EXTL2: variants seen among roughly 807,000 people sequenced by gnomAD.
EXTL2 encodes exostosin-like 2.
In EXTL2, 23 loss-of-function variants were observed where a neutral mutation model predicts 30.7. The ratio of observed to expected loss-of-function variants is 0.75; its 90% CI spans 0.54 to 1.06. EXTL2 has a LOEUF of 1.06. EXTL2 is among the 50% of genes least tolerant of loss of function. EXTL2 has a pLI of 0.00. For synonymous variants in EXTL2, 123 were observed against 133.8 expected, an observed-to-expected ratio of 0.92 and a Z score of 0.56; for missense variants, 352 against 396.3, an observed-to-expected ratio of 0.89 and a Z score of 0.95.
At chr1:100,888,709 A>C in intron 2 of EXTL2, 44 bp downstream of exon 2, 1 of 1,147,428 alleles carries the variant, frequency 8.7e-7, no homozygotes, top group Non-Finnish European at 1.3e-6. Context: ...TGTTATACGT[A>C]TTTTACAACA....
intron 2 of EXTL2, 80 bp downstream of exon 2, chr1:100,888,673 A>C (rs755735504): frequency 1.4e-5 from 10 of 732,192 alleles, no homozygotes; most frequent in Non-Finnish European, 1.8e-5. Flanking sequence ...CTATATACTT[A>C]AAACCCGTTA....
chr1:100,876,243 G>C (rs994632690), intron 4 of EXTL2, among the ~76,000 whole-genome samples: 1 of 151,894 alleles, frequency 6.6e-6, no homozygotes, highest in Admixed American at 6.6e-5. Context: ...GGCTTTTATA[G>C]GATACTGACC....
rs1650305770 is a variant in EXTL2, at chr1:100,890,153, G to C, written c.-71-1325C>G. Among the ~76,000 whole-genome samples, 3 of 152,298 alleles carry C rather than the reference G, an allele frequency of 2.0e-5. No homozygotes were observed. In the South Asian group the frequency reaches 6.2e-4, roughly 32 times the overall value. ...CAGAGGTTCCTAAACCTTAATTCTT[G>C]ACTTCTGTGCACCCATAGGCTCAAC... On this transcript the variant is annotated intron_variant, in intron 1 of 4. Transcript: ENST00000370114.
At chr1:100,876,612 A>G (rs1649138175) in intron 4 of EXTL2, among the ~76,000 whole-genome samples, 182 bp downstream of exon 4, 1 of 152,098 alleles carries the variant, frequency 6.6e-6, no homozygotes. Flanking sequence ...AAGATACTAT[A>G]ACTTTCAGGA....
chr1:100,884,353 C>T (rs7549376), intron 2 of EXTL2, among the ~76,000 whole-genome samples: 101 of 152,250 alleles, frequency 6.6e-4, no homozygotes, highest in Middle Eastern at 3.4e-3. Context: ...AATGTAGATG[C>T]TCAGAAAAGG....
intron 1 of EXTL2, among the ~76,000 whole-genome samples, chr1:100,889,116 T>C (rs1322430364): frequency 1.3e-5 from 2 of 152,308 alleles, no homozygotes; most frequent in Non-Finnish European, 2.9e-5. Context: ...CTGGGTAATT[T>C]ATAAAGGAAA....
chr1:100,890,808 T>A (rs1178443048), intron 1 of EXTL2, among the ~76,000 whole-genome samples: 5 of 152,250 alleles, frequency 3.3e-5, no homozygotes, highest in Non-Finnish European at 2.9e-5. Flanking sequence ...CTTTCCTACA[T>A]CTTCCTGTCT....
At chr1:100,885,384 A>G (rs1649880431) in intron 2 of EXTL2, among the ~76,000 whole-genome samples, 1 of 152,234 alleles carries the variant, frequency 6.6e-6, no homozygotes, top group Non-Finnish European at 1.5e-5. Flanking sequence ...GCAGGTCATG[A>G]TAACCGGAAG....
At chr1:100,875,099 AAAC>A (rs1015611347) in intron 4 of EXTL2, among the ~76,000 whole-genome samples, 5 of 152,038 alleles carry the variant, frequency 3.3e-5, no homozygotes, top group African/African-American at 1.2e-4. Context: ...ACTAAAAATA[AAAC>A]AACAATCAGC....
At position 100,874,364 on chromosome 1, in the gene EXTL2, T is replaced by C; in HGVS notation, c.571A>G (p.Ser191Gly). The change falls in exon 5 of 5, where the codon AGT (serine) becomes GGT (glycine). Residue 191 changes from serine to glycine, a missense_variant. Transcript: ENST00000370114. ...KHVSTSSGIY[S>G]YGSFEMQAPG... ...GCTTGCATTTCAAAACTTCCATAAC[T>C]GTAGATACCTGATGAAGTAGAGACG... 6.2e-7 allele frequency: 1 copy of C among 1,612,414 alleles called. No homozygotes were observed. The highest frequency in any genetic ancestry group is 1.3e-5 in the African/African-American group (1 of 74,920).
intron 2 of EXTL2, among the ~76,000 whole-genome samples, chr1:100,881,714 C>T (rs926635823): frequency 2.0e-5 from 3 of 152,038 alleles, no homozygotes; most frequent in African/African-American, 2.4e-5. Context: ...TCCTCATGAA[C>T]GAAAAAAATC....
intron 2 of EXTL2, chr1:100,885,519 T>C (rs1232120361): frequency 6.6e-6 from 1 of 152,178 alleles, no homozygotes; most frequent in Non-Finnish European, 1.5e-5. Context: ...TTCATGACAA[T>C]TGGCAGAAAG....
rs1200893470 is a variant in EXTL2, at chr1:100,873,983, G to A, written c.952C>T (p.Gln318Ter). 6.3e-7 allele frequency: 1 copy of A among 1,584,248 alleles called. No homozygotes were observed. Among genetic ancestry groups the A allele is most frequent in the Admixed American group, 1.9e-5 (1 of 52,152 alleles). ...TAGTTGGCATATGGAAAACCAAACT[G>A]GGAAATCATAATGTTGGAGTATCTT... Reference protein sequence around the residue: ...PLRYSNIMISQFGFPYANYKR... With the variant: ...PLRYSNIMIS The change falls in exon 5 of 5, where the codon CAG becomes TAG. Residue 318 changes from glutamine (Q) to a stop codon, truncating the protein, a stop_gained. Coordinates refer to ENST00000370114, the MANE Select transcript of EXTL2 (RefSeq NM_001033025.3). LOFTEE classifies it high-confidence loss of function.
rs773173050 is a variant in EXTL2, at chr1:100,874,161, C to A, written c.774G>T (p.Lys258Asn). The change falls in exon 5 of 5, where the codon AAG (lysine) becomes AAT (asparagine). Residue 258 changes from lysine (K) to asparagine (N), a missense_variant. Coordinates refer to ENST00000370114, the MANE Select transcript of EXTL2 (RefSeq NM_001033025.3). ...CAGGCTTCACAAATATCCCTGAAGT[C>A]TTGCCAATATGCTTGGCAATGATAA... ...MNFIIAKHIG[K>N]TSGIFVKPVN... is the part of the protein sequence containing the mutation. 6.2e-7 allele frequency: 1 copy of A among 1,612,958 alleles called. No homozygotes were observed. Among genetic ancestry groups the A allele is most frequent in the South Asian group, 1.1e-5 (1 of 91,044 alleles).
At chr1:100,892,491 CTGAT>C (rs1283802387) in intron 1 of EXTL2, among the ~76,000 whole-genome samples, 1 of 152,168 alleles carries the variant, frequency 6.6e-6, no homozygotes, top group Admixed American at 6.5e-5. Flanking sequence ...TTTTGGGACT[CTGAT>C]TGAGCCACTA....
intron 2 of EXTL2, among the ~76,000 whole-genome samples, chr1:100,878,886 C>T (rs557945259): frequency 6.6e-6 from 1 of 152,046 alleles, no homozygotes; most frequent in South Asian, 2.1e-4. Flanking sequence ...CCAGGTTGAA[C>T]TGAGGCACAG....
chr1:100,882,928 G>A (rs1649680118), intron 2 of EXTL2, among the ~76,000 whole-genome samples: 2 of 152,180 alleles, frequency 1.3e-5, no homozygotes, highest in South Asian at 4.1e-4. Flanking sequence ...AACTCAGAGA[G>A]CTGAAAGAGA....
At chr1:100,885,202 T>C (rs188448521) in intron 2 of EXTL2, among the ~76,000 whole-genome samples, 1 of 152,314 alleles carries the variant, frequency 6.6e-6, no homozygotes, top group East Asian at 1.9e-4. Flanking sequence ...AAACAAAAGA[T>C]GTCTCAGATC....
rs189745279 is a variant in EXTL2, at chr1:100,882,357, T to C, written c.6-4454A>G. 1.1e-3 allele frequency among the ~76,000 whole-genome samples: 173 copies of C among 152,348 alleles called. 1 individual carries two copies. Among genetic ancestry groups the C allele is most frequent in the African/African-American group, 4.1e-3 (169 of 41,588 alleles). On this transcript the variant is annotated intron_variant, in intron 2 of 4. Coordinates refer to ENST00000370114, the MANE Select transcript of EXTL2 (RefSeq NM_001033025.3). ...GACAGCCCCCCATGGCAAAGAATTA[T>C]CTGACCTAACACGGCAATAATGCCA...
Sources: gnomAD v4.1 joint callset for allele counts (sites outside exome capture counted in the v4.1 genomes callset) on GRCh38, gnomAD v4.1.1 for gene constraint, MANE v1.5 for transcripts, NCBI Gene and HGNC (gene_info 2026-07-23, HGNC 2026-07-21) for gene names.